The following KCNB2 variants were observed in gnomAD, a reference collection of about 807,000 sequenced individuals.
KCNB2 encodes the protein delayed rectifier potassium channel protein.
A neutral mutation model predicts 61.5 loss-of-function variants in KCNB2; 15 were observed. The observed-to-expected ratio is 0.24, with a 90% confidence interval of 0.16 to 0.38. KCNB2 has a LOEUF of 0.38. KCNB2 is among the 10% of genes least tolerant of loss of function. The probability of loss-of-function intolerance (pLI) is 1.00; values close to 1 mark genes in which losing one functional copy is unlikely to be tolerated. For missense variants in KCNB2, 828 were observed against 1,125.2 expected, an observed-to-expected ratio of 0.74 and a Z score of 3.78; for synonymous variants, 457 against 446.0, an observed-to-expected ratio of 1.02 and a Z score of -0.31.
At chr8:72,720,808 A>G (rs1180305865) in intron 2 of KCNB2, among the ~76,000 whole-genome samples, 2 of 152,224 alleles carry the variant, frequency 1.3e-5, no homozygotes, top group African/African-American at 2.4e-5. Context: ...CTCAATCTCA[A>G]TAACATATGA....
At chr8:72,794,564 C>CAAAAA (rs397892520) in intron 2 of KCNB2, among the ~76,000 whole-genome samples, 6 of 56,936 alleles carry the variant, frequency 1.1e-4, no homozygotes, top group East Asian at 4.9e-4. Flanking sequence ...GACTCCATCT[C>CAAAAA]AAAAAAAAAA....
chr8:72,847,278 C>A (rs1810011560), intron 2 of KCNB2, among the ~76,000 whole-genome samples: 1 of 152,190 alleles, frequency 6.6e-6, no homozygotes, highest in African/African-American at 2.4e-5. Flanking sequence ...GGGTCAGAAG[C>A]AAACTTCAAT....
intron 2 of KCNB2, among the ~76,000 whole-genome samples, chr8:72,837,087 T>G (rs747292483): frequency 6.6e-6 from 1 of 152,212 alleles, no homozygotes; most frequent in Non-Finnish European, 1.5e-5. Flanking sequence ...CCCTACTTTT[T>G]CAATTCAATA....
chr8:72,828,627 G>A (rs1299554513), intron 2 of KCNB2, among the ~76,000 whole-genome samples: 1 of 152,144 alleles, frequency 6.6e-6, no homozygotes, highest in African/African-American at 2.4e-5. Flanking sequence ...TTTTTGAAAG[G>A]ATTGAAAGAT....
intron 2 of KCNB2, among the ~76,000 whole-genome samples, chr8:72,869,609 T>C (rs1445914242): frequency 6.6e-6 from 1 of 152,112 alleles, no homozygotes; most frequent in Non-Finnish European, 1.5e-5. Context: ...ATGCTCAACA[T>C]CACTAATCAT....
At chr8:72,681,725 C>G (rs1806759721) in intron 2 of KCNB2, among the ~76,000 whole-genome samples, 1 of 152,084 alleles carries the variant, frequency 6.6e-6, no homozygotes, top group South Asian at 2.1e-4. Flanking sequence ...ACCAGCAGCA[C>G]AGTAGGATTG....
At chr8:72,734,619 T>A (rs934204014) in intron 2 of KCNB2, among the ~76,000 whole-genome samples, 3 of 152,214 alleles carry the variant, frequency 2.0e-5, no homozygotes, top group South Asian at 4.1e-4. Context: ...CATGAATGAA[T>A]ATTCCCCGGG....
chr8:72,895,711 A>G (rs1805978801), intron 2 of KCNB2, among the ~76,000 whole-genome samples: 1 of 152,146 alleles, frequency 6.6e-6, no homozygotes, highest in Non-Finnish European at 1.5e-5. Flanking sequence ...GGTTTCATAA[A>G]AGAGGCAAAT....
Position 72,931,607 on chromosome 8 carries a change from A to G in KCNB2, c.580-4328A>G, listed in dbSNP as rs1806786380. Among the ~76,000 whole-genome samples, 3 of 152,002 alleles carry G rather than the reference A, an allele frequency of 2.0e-5. No homozygotes were observed. The South Asian group carries it at 6.2e-4, about 32-fold the overall frequency. Reference sequence around the variant, plus strand: ...TGATTTGGCTCTCTGTTTGTCTGTTATTGGTGTATAAGAATGCTTGTGATT... The same window carrying G: ...TGATTTGGCTCTCTGTTTGTCTGTTGTTGGTGTATAAGAATGCTTGTGATT... On this transcript the variant is annotated intron_variant, in intron 2 of 2. Coordinates refer to ENST00000523207, the MANE Select transcript of KCNB2 (RefSeq NM_004770.3).
At chr8:72,620,110 GT>G in intron 2 of KCNB2, among the ~76,000 whole-genome samples, 1 of 152,196 alleles carries the variant, frequency 6.6e-6, no homozygotes, top group Non-Finnish European at 1.5e-5. Flanking sequence ...AATTTCACCT[GT>G]TTACATCTAC....
At chr8:72,565,385 T>C (rs1004471034) in intron 1 of KCNB2, among the ~76,000 whole-genome samples, 2 of 152,168 alleles carry the variant, frequency 1.3e-5, no homozygotes, top group Admixed American at 6.5e-5. Context: ...AGAGTTCTAA[T>C]TATAAGGACC....
At chr8:72,701,406 G>A (rs183289177) in intron 2 of KCNB2, among the ~76,000 whole-genome samples, 22 of 152,146 alleles carry the variant, frequency 1.4e-4, no homozygotes, top group Admixed American at 7.9e-4. Context: ...AGCAGTGGAC[G>A]TCATTTAATG....
chr8:72,797,689 C>G (rs1809053763), intron 2 of KCNB2, among the ~76,000 whole-genome samples: 2 of 152,202 alleles, frequency 1.3e-5, no homozygotes, highest in African/African-American at 4.8e-5. Flanking sequence ...AAGCTTAGCT[C>G]TGTGAAACCA....
At chr8:72,558,488 T>G (rs1237177050) in intron 1 of KCNB2, among the ~76,000 whole-genome samples, 1 of 152,172 alleles carries the variant, frequency 6.6e-6, no homozygotes, top group Non-Finnish European at 1.5e-5. Flanking sequence ...GAGTAAAAGT[T>G]TATTAGGTGG....
intron 2 of KCNB2, among the ~76,000 whole-genome samples, chr8:72,715,201 C>G (rs999360224): frequency 7.9e-5 from 12 of 152,108 alleles, no homozygotes; most frequent in Non-Finnish European, 1.2e-4. Context: ...GACTCCCACA[C>G]AATAATAATG....
Position 72,780,299 on chromosome 8 carries a change from A to G in KCNB2, c.580-155636A>G, listed in dbSNP as rs1239204888. On this transcript the variant is annotated intron_variant, in intron 2 of 2. Transcript: ENST00000523207. The stretch of plus-strand genomic sequence containing the variant: ...TTGAAATCATTTTATCTTAAATTAT[A>G]TGGTTAATATATGCTTTCCACTTCA... 2.6e-5 allele frequency among the ~76,000 whole-genome samples: 4 copies of G among 152,328 alleles called. No homozygotes were observed. In the South Asian group the frequency reaches 8.3e-4, roughly 32 times the overall value.
rs1167603306 is a variant in KCNB2 at position 72,660,871 on chromosome 8, T to C, written c.579+92558T>C. ...TATAGTTCAGAAAGGAGCTAAAGTTTCTCCTGGAGTTTTTGCATCTTCCTT... is the reference window on the plus strand; with the variant it reads ...TATAGTTCAGAAAGGAGCTAAAGTTCCTCCTGGAGTTTTTGCATCTTCCTT... On this transcript the variant is annotated intron_variant, in intron 2 of 2. Coordinates refer to ENST00000523207, the MANE Select transcript of KCNB2 (RefSeq NM_004770.3). The C allele has an allele frequency of 2.0e-5, 3 of 152,190 alleles. No individual in the cohort carries two copies. In the East Asian group the frequency reaches 5.8e-4, roughly 29 times the overall value. The allele number at this position is 152,190 out of a possible 1,614,324, so 9.4% of individuals were successfully genotyped here.
At chr8:72,815,032 T>TAA (rs946337852) in intron 2 of KCNB2, among the ~76,000 whole-genome samples, 36 of 152,278 alleles carry the variant, frequency 2.4e-4, no homozygotes, top group Non-Finnish European at 3.8e-4. Context: ...AATGATGAGT[T>TAA]AAAGGTCATG....
intron 2 of KCNB2, among the ~76,000 whole-genome samples, chr8:72,725,387 C>T (rs1807615661): frequency 1.3e-5 from 2 of 151,378 alleles, no homozygotes; most frequent in African/African-American, 4.9e-5. Context: ...AAGTCAAATT[C>T]AATCTAGCAA....
Sources: allele counts gnomAD v4.1 joint callset (sites outside exome capture counted in the v4.1 genomes callset), GRCh38; gene constraint gnomAD v4.1.1; transcripts MANE v1.5; gene names NCBI Gene and HGNC (gene_info 2026-07-23, HGNC 2026-07-21).